The following HIBADH variants were observed in gnomAD, a reference collection of about 807,000 sequenced individuals.
HIBADH encodes the protein 3-hydroxyisobutyrate dehydrogenase, mitochondrial.
A neutral mutation model predicts 36.1 loss-of-function variants in HIBADH; 25 were observed. The ratio of observed to expected loss-of-function variants is 0.69; its 90% CI spans 0.50 to 0.97. HIBADH has a LOEUF of 0.97. HIBADH is among the 50% of genes least tolerant of loss of function. The probability of loss-of-function intolerance (pLI) is 0.00; values close to 1 mark genes in which losing one functional copy is unlikely to be tolerated. For synonymous variants in HIBADH, 160 were observed against 149.5 expected (o/e 1.07, Z -0.51); for missense variants, 421 against 418.0 (o/e 1.01, Z -0.06).
At chr7:27,651,882 T>A (rs1046668221) in intron 1 of HIBADH, among the ~76,000 whole-genome samples, 1 of 152,038 alleles carries the variant, frequency 6.6e-6, no homozygotes, top group African/African-American at 2.4e-5. Context: ...ATTCATGGTG[T>A]GGGAACTTGA....
intron 2 of HIBADH, among the ~76,000 whole-genome samples, chr7:27,635,144 C>A (rs1333803047): frequency 6.6e-6 from 1 of 150,998 alleles, no homozygotes; most frequent in Non-Finnish European, 1.5e-5. Flanking sequence ...CTAATTTGTA[C>A]TACAAAGGCA....
At chr7:27,529,195 G>A (rs1203138760) in intron 7 of HIBADH, among the ~76,000 whole-genome samples, 1 of 152,178 alleles carries the variant, frequency 6.6e-6, no homozygotes, top group African/African-American at 2.4e-5. Context: ...GATGTACAGG[G>A]AGATTAATGT....
chr7:27,579,387 C>T (rs937583638), intron 4 of HIBADH, among the ~76,000 whole-genome samples: 27 of 152,044 alleles, frequency 1.8e-4, no homozygotes, highest in Non-Finnish European at 3.2e-4. Flanking sequence ...AGCACTGATA[C>T]CACACATAAA....
chr7:27,639,817 CT>C (rs1433518795), intron 2 of HIBADH, among the ~76,000 whole-genome samples: 1 of 152,050 alleles, frequency 6.6e-6, no homozygotes, highest in Non-Finnish European at 1.5e-5. Flanking sequence ...TTATAAATGC[CT>C]TATCAGAATA....
intron 4 of HIBADH, among the ~76,000 whole-genome samples, chr7:27,578,558 C>T (rs918396388): frequency 3.3e-5 from 5 of 152,196 alleles, no homozygotes; most frequent in African/African-American, 1.2e-4. Flanking sequence ...CTCAGGCAAT[C>T]CGCCTGTCTC....
intron 4 of HIBADH, among the ~76,000 whole-genome samples, chr7:27,573,966 A>G (rs7806605): frequency 0.76 from 115,491 of 152,130 alleles, 44,299 homozygotes; most frequent in East Asian, 0.94. Context: ...TAAATTACAC[A>G]TGTGGCTTAT....
chr7:27,603,652 GAATT>G (rs1407243960), intron 4 of HIBADH, among the ~76,000 whole-genome samples: 1 of 151,990 alleles, frequency 6.6e-6, no homozygotes. Context: ...TATTTAAAAA[GAATT>G]AAATATAACA....
chr7:27,606,760 T>C (rs1401779187), intron 4 of HIBADH, among the ~76,000 whole-genome samples: 3 of 152,274 alleles, frequency 2.0e-5, no homozygotes, highest in Non-Finnish European at 4.4e-5. Context: ...GATGTAATAA[T>C]ATAAACTAAT....
intron 1 of HIBADH, among the ~76,000 whole-genome samples, chr7:27,651,182 A>C: frequency 6.6e-6 from 1 of 152,212 alleles, no homozygotes; most frequent in Non-Finnish European, 1.5e-5. Context: ...GAATGGAATG[A>C]GATTTGTTAA....
rs189277110 is a variant in HIBADH at position 27,661,568 on chromosome 7, C to T, written c.91+1130G>A. ...CTGGGCCACTGCACTCCAGCCTGGG[C>T]GACAGAGACCCTGTCTCAAAAAAAA... is the stretch of plus-strand genomic sequence containing the variant. On this transcript the variant is annotated intron_variant, in intron 1 of 7. Transcript: ENST00000265395. Among the ~76,000 whole-genome samples the T allele has an allele frequency of 3.2e-3, 331 of 102,326 alleles. 2 individuals carry two copies. The highest frequency in any genetic ancestry group is 0.012 in the African/African-American group (314 of 25,252). The allele number at this position is 102,326 out of a possible 152,430, so 67.1% of individuals were successfully genotyped here.
Position 27,533,631 on chromosome 7 carries a change from C to G in HIBADH, c.696-2283G>C, listed in dbSNP as rs543546890. Among the ~76,000 whole-genome samples, 10 of 152,308 alleles carry G rather than the reference C, an allele frequency of 6.6e-5. No individual in the cohort carries two copies. In the South Asian group the frequency reaches 1.9e-3, roughly 28 times the overall value. On this transcript the variant is annotated intron_variant, in intron 6 of 7. Transcript: ENST00000265395. ...AGTTACTGAAGTCCTCTGTTTTCCA[C>G]TGTGCCCAAGGCTTGTAATGGTCTG... is the stretch of plus-strand genomic sequence containing the variant.
intron 1 of HIBADH, among the ~76,000 whole-genome samples, chr7:27,650,111 A>G (rs1246816978): frequency 1.3e-5 from 2 of 152,110 alleles, no homozygotes; most frequent in Admixed American, 6.5e-5. Context: ...AAAACACCTA[A>G]TATGTAATTT....
At chr7:27,544,998 T>C (rs1396922406) in intron 4 of HIBADH, among the ~76,000 whole-genome samples, 1 of 152,242 alleles carries the variant, frequency 6.6e-6, no homozygotes, top group Non-Finnish European at 1.5e-5. Context: ...ATCATAATTA[T>C]TTCCGACTTC....
In HIBADH at chr7:27,535,862, A is replaced by AT. The variant is rs552360128; in HGVS notation, c.695+2478dup. ...TTAAACTGTAAGATTTTATTCTTCA[A>AT]TTTTTTTAAAAAAGGGGAACAGTGT... is the stretch of plus-strand genomic sequence containing the variant. On this transcript the variant is annotated intron_variant, in intron 6 of 7. Transcript: ENST00000265395. Among the ~76,000 whole-genome samples, 489 of 152,148 alleles carry AT rather than the reference A, an allele frequency of 3.2e-3. 6 individuals are homozygous for AT. Among genetic ancestry groups the AT allele is most frequent in the African/African-American group, 0.011 (460 of 41,540 alleles).
At chr7:27,629,589 T>TA (rs1785711570) in intron 3 of HIBADH, 97 bp from the exon 4 acceptor site, 1 of 762,310 alleles carries the variant, frequency 1.3e-6, no homozygotes, top group South Asian at 3.2e-5. Flanking sequence ...AGCTGCCATA[T>TA]ATCAAGGAGG....
intron 4 of HIBADH, among the ~76,000 whole-genome samples, chr7:27,557,411 G>T (rs184419411): frequency 6.6e-6 from 1 of 152,202 alleles, no homozygotes; most frequent in East Asian, 1.9e-4. Context: ...TCAGAACCAA[G>T]AATAATATTA....
chr7:27,592,581 G>C (rs980805060), intron 4 of HIBADH, among the ~76,000 whole-genome samples: 2 of 152,008 alleles, frequency 1.3e-5, no homozygotes, highest in African/African-American at 4.8e-5. Context: ...CTGACTTCTT[G>C]TAAAGCCTAA....
At chr7:27,568,070 A>G (rs1352094872) in intron 4 of HIBADH, among the ~76,000 whole-genome samples, 1 of 152,208 alleles carries the variant, frequency 6.6e-6, no homozygotes, top group African/African-American at 2.4e-5. Flanking sequence ...ACCATCACAC[A>G]TATTTTTAAG....
At chr7:27,572,938 T>C (rs1160880093) in intron 4 of HIBADH, among the ~76,000 whole-genome samples, 1 of 152,140 alleles carries the variant, frequency 6.6e-6, no homozygotes, top group Non-Finnish European at 1.5e-5. Context: ...TCACATTCAT[T>C]TGGGGCATAA....
Sources: allele counts gnomAD v4.1 joint callset (sites outside exome capture counted in the v4.1 genomes callset), GRCh38; gene constraint gnomAD v4.1.1; transcripts MANE v1.5; gene names NCBI Gene and HGNC (gene_info 2026-07-23, HGNC 2026-07-21).